STXBP4: variants seen among roughly 807,000 people sequenced by gnomAD.
STXBP4 encodes syntaxin-binding protein 4.
In STXBP4, 55 loss-of-function variants were observed where a neutral mutation model predicts 76.1. That is an observed-to-expected ratio of 0.72 (90% CI 0.58 to 0.91). The LOEUF is 0.91. Ranked by LOEUF, STXBP4 falls within the 40% of genes least tolerant of loss-of-function variation. The pLI is 0.00. For missense variants in STXBP4, 618 were observed against 636.9 expected (o/e 0.97, Z 0.32); for synonymous variants, 201 against 220.2 (o/e 0.91, Z 0.77).
chr17:55,043,024 C>G (rs564374243), intron 10 of STXBP4, among the ~76,000 whole-genome samples: 2 of 152,016 alleles, frequency 1.3e-5, no homozygotes, highest in East Asian at 3.8e-4. Context: ...AATCAAAATT[C>G]TATTATAAGT....
intron 12 of STXBP4, among the ~76,000 whole-genome samples, chr17:55,047,484 T>C: frequency 6.6e-6 from 1 of 151,898 alleles, no homozygotes; most frequent in Non-Finnish European, 1.5e-5. Flanking sequence ...CTTTTTTCTT[T>C]TTCTTTTTTA....
intron 12 of STXBP4, among the ~76,000 whole-genome samples, chr17:55,068,951 G>T (rs1010881030): frequency 2.6e-5 from 4 of 151,910 alleles, no homozygotes; most frequent in Admixed American, 2.0e-4. Flanking sequence ...TATATTTATT[G>T]TCCTGTGTGT....
At chr17:55,143,259 A>G (rs1029626) in intron 17 of STXBP4, among the ~76,000 whole-genome samples, 45,942 of 152,036 alleles carry the variant, frequency 0.3, 7,185 homozygotes, top group African/African-American at 0.34. Flanking sequence ...GCTTTCTCCT[A>G]GAAGGTTCCC....
chr17:55,075,664 A>G (rs2079173447), intron 13 of STXBP4, among the ~76,000 whole-genome samples: 2 of 152,138 alleles, frequency 1.3e-5, no homozygotes, highest in Admixed American at 1.3e-4. Flanking sequence ...TTTACCCCGC[A>G]TACTTGCTGA....
chr17:55,037,601 A>T (rs571162783), intron 10 of STXBP4, among the ~76,000 whole-genome samples: 1 of 152,148 alleles, frequency 6.6e-6, no homozygotes, highest in African/African-American at 2.4e-5. Flanking sequence ...TGACATGTCA[A>T]TGATTTCCAA....
intron 17 of STXBP4, among the ~76,000 whole-genome samples, chr17:55,157,299 C>T (rs2080289424): frequency 6.6e-6 from 1 of 152,164 alleles, no homozygotes; most frequent in Non-Finnish European, 1.5e-5. Context: ...GTACTTTGTA[C>T]AGGGTGATGT....
rs1221416380 is a variant in STXBP4 at position 55,160,395 on chromosome 17, CA to C, written c.*485del. On this transcript the variant is annotated 3_prime_UTR_variant, in exon 18 of 18. Transcript: ENST00000376352. ...ATTTAAGGATCACATTTAGACATCT[CA>C]TGGGCTGATGAATACAGCTGGTATC... The C allele has an allele frequency of 6.5e-6, 1 of 152,776 alleles. No individual in the cohort carries two copies. The highest frequency in any genetic ancestry group is 1.5e-5 in the Non-Finnish European group (1 of 68,190). 9.5% of individuals were successfully genotyped at this position (152,776 alleles called of 1,614,324 possible). A position where few individuals can be genotyped will look rare whatever the true frequency, so the allele number is the denominator to read the frequency against.
chr17:54,986,337 A>G (rs919499724), intron 3 of STXBP4, 71 bp downstream of exon 3: 2 of 1,268,184 alleles, frequency 1.6e-6, no homozygotes, highest in Non-Finnish European at 1.1e-6. Context: ...CATTTGATTA[A>G]AAGTTTTTTT....
intron 16 of STXBP4, among the ~76,000 whole-genome samples, chr17:55,132,485 G>A (rs889867395): frequency 6.6e-5 from 10 of 152,180 alleles, no homozygotes; most frequent in East Asian, 1.9e-4. Flanking sequence ...CACTGTGCCC[G>A]GCCCAATTAT....
chr17:54,989,606 T>A, intron 3 of STXBP4, among the ~76,000 whole-genome samples: 1 of 152,204 alleles, frequency 6.6e-6, no homozygotes, highest in Non-Finnish European at 1.5e-5. Context: ...GGTAAGAATC[T>A]TAAGGATTTT....
At chr17:55,087,853 A>G (rs998336730) in intron 16 of STXBP4, among the ~76,000 whole-genome samples, 3 of 152,242 alleles carry the variant, frequency 2.0e-5, no homozygotes, top group African/African-American at 7.2e-5. Context: ...TAACAGTACT[A>G]TTAATAATTA....
At chr17:55,085,762 G>T (rs115604022) in intron 16 of STXBP4, among the ~76,000 whole-genome samples, 1 of 152,190 alleles carries the variant, frequency 6.6e-6, no homozygotes, top group African/African-American at 2.4e-5. Context: ...TCACAACTGT[G>T]TTATGGAGGA....
At chr17:55,209,658 C>T in the STXBP4 span, among the ~76,000 whole-genome samples, 2 of 152,188 alleles carry the variant, frequency 1.3e-5, no homozygotes, top group South Asian at 2.1e-4. Context: ...TGGATAAGGG[C>T]GAGCAGCTGA....
At chr17:55,115,550 G>A (rs547928471) in intron 16 of STXBP4, among the ~76,000 whole-genome samples, 1 of 151,846 alleles carries the variant, frequency 6.6e-6, no homozygotes, top group South Asian at 2.1e-4. Context: ...AAATAGAAGT[G>A]CAGATTTTGT....
At chr17:55,112,853 G>A (rs2079736154) in intron 16 of STXBP4, among the ~76,000 whole-genome samples, 1 of 152,028 alleles carries the variant, frequency 6.6e-6, no homozygotes, top group Non-Finnish European at 1.5e-5. Flanking sequence ...AAGAGTAGAT[G>A]ACTGGGAAGA....
intron 8 of STXBP4, among the ~76,000 whole-genome samples, chr17:55,009,449 G>A (rs1192538043): frequency 1.3e-5 from 2 of 151,982 alleles, no homozygotes; most frequent in Non-Finnish European, 1.5e-5. Flanking sequence ...GACAGACTTT[G>A]TTATTTTACT....
At chr17:55,134,045 G>C (rs2080000654) in intron 16 of STXBP4, among the ~76,000 whole-genome samples, 1 of 151,990 alleles carries the variant, frequency 6.6e-6, no homozygotes. Flanking sequence ...TTATGCCCAT[G>C]GTAATGACCC....
At chr17:55,107,506 G>C (rs180808187) in intron 16 of STXBP4, among the ~76,000 whole-genome samples, 3 of 152,320 alleles carry the variant, frequency 2.0e-5, no homozygotes, top group Admixed American at 2.0e-4. Flanking sequence ...ATCCTTTGGA[G>C]GATAAGAAGC....
chr17:54,997,610 ATATATT>A (rs2077831726), intron 4 of STXBP4, among the ~76,000 whole-genome samples: 2 of 146,080 alleles, frequency 1.4e-5, no homozygotes, highest in Admixed American at 6.9e-5. Flanking sequence ...TTATATATAT[ATATATT>A]TTTTTTGAGA....
Sources: gnomAD v4.1 joint callset for allele counts (sites outside exome capture counted in the v4.1 genomes callset) on GRCh38, gnomAD v4.1.1 for gene constraint, MANE v1.5 for transcripts, NCBI Gene and HGNC (gene_info 2026-07-23, HGNC 2026-07-21) for gene names.